TRAPPC9: variants seen among roughly 807,000 people sequenced by gnomAD.
TRAPPC9 encodes IKK2 binding protein.
TRAPPC9 carries 83 observed loss-of-function variants against 124.0 expected under a neutral mutation model. The ratio of observed to expected loss-of-function variants is 0.67; its 90% CI spans 0.56 to 0.80. The LOEUF is 0.80. Among genes scored for constraint, TRAPPC9 ranks in the 30% least tolerant of loss-of-function variants. The pLI is 0.00. For missense variants in TRAPPC9, 1,302 were observed against 1,508.3 expected (o/e 0.86, Z 2.27); for synonymous variants, 638 against 617.5 (o/e 1.03, Z -0.49).
chr8:140,073,983 T>C (rs753155638), intron 17 of TRAPPC9, among the ~76,000 whole-genome samples: 7 of 152,134 alleles, frequency 4.6e-5, no homozygotes, highest in Non-Finnish European at 5.9e-5. Flanking sequence ...GGCAAGTCCA[T>C]TGTCCAGGAG....
At chr8:140,427,445 A>G (rs1168657562) in intron 4 of TRAPPC9, among the ~76,000 whole-genome samples, 1 of 152,016 alleles carries the variant, frequency 6.6e-6, no homozygotes, top group African/African-American at 2.4e-5. Flanking sequence ...CAAGTTAAAG[A>G]TTTCCAGCTT....
chr8:139,764,902 G>A (rs555942944), intron 21 of TRAPPC9, among the ~76,000 whole-genome samples: 4 of 152,244 alleles, frequency 2.6e-5, no homozygotes, highest in Admixed American at 6.5e-5. Flanking sequence ...CTCGGTTCTC[G>A]TCCCAGAACC....
At chr8:139,766,846 T>C (rs1276284818) in intron 21 of TRAPPC9, among the ~76,000 whole-genome samples, 1 of 152,274 alleles carries the variant, frequency 6.6e-6, no homozygotes, top group Non-Finnish European at 1.5e-5. Flanking sequence ...TGTCACATCC[T>C]TTGGGAATCA....
intron 16 of TRAPPC9, among the ~76,000 whole-genome samples, chr8:140,235,479 G>A (rs372330293): frequency 6.6e-6 from 1 of 152,062 alleles, no homozygotes; most frequent in African/African-American, 2.4e-5. Flanking sequence ...AAAAAATGAA[G>A]AAAATATTTT....
intron 17 of TRAPPC9, among the ~76,000 whole-genome samples, chr8:140,062,401 T>A (rs1405935569): frequency 6.6e-6 from 1 of 152,206 alleles, no homozygotes; most frequent in African/African-American, 2.4e-5. Flanking sequence ...CTGCCTGCTT[T>A]TCCAGCTTCA....
At chr8:139,934,792 TG>T (rs1833408725) in intron 19 of TRAPPC9, among the ~76,000 whole-genome samples, 1 of 152,194 alleles carries the variant, frequency 6.6e-6, no homozygotes, top group East Asian at 1.9e-4. Context: ...ATAGGGGACA[TG>T]GCTCTGGGCA....
chr8:140,451,233 C>G lies in TRAPPC9; in HGVS notation c.141G>C (p.Arg47=). The G allele has an allele frequency of 6.2e-7, 1 of 1,613,918 alleles. No individual in the cohort carries two copies. Among genetic ancestry groups the G allele is most frequent in the South Asian group, 1.1e-5 (1 of 91,078 alleles). Residue 47 remains arginine, a synonymous_variant, in exon 2 of 23, where the codon CGG becomes CGC. Coordinates refer to ENST00000438773, the MANE Select transcript of TRAPPC9 (RefSeq NM_001160372.4). The stretch of plus-strand genomic sequence containing the variant: ...GGATGTAGAGGACTCGCTGGGAGTC[C>G]CGCACGCTGATCTGACTCACAGAGC... ...RICSVSQISV[R]DSQRVLYIRY... is the part of the protein sequence containing the mutation.
chr8:139,847,571 C>T (rs1289695576), intron 21 of TRAPPC9, among the ~76,000 whole-genome samples: 3 of 141,066 alleles, frequency 2.1e-5, no homozygotes, highest in Admixed American at 6.9e-5. Context: ...CCCCTGGCGG[C>T]GTGGCCTGCA....
rs759966668 is a variant in TRAPPC9 at position 140,024,040 on chromosome 8, G to A, written c.2596C>T (p.Pro866Ser). 2 of 1,613,912 alleles carry A rather than the reference G, an allele frequency of 1.2e-6. No individual in the cohort carries two copies. The highest frequency in any genetic ancestry group is 1.7e-5 in the Admixed American group (1 of 59,988). The part of the protein sequence containing the change: ...AVLNFKYSGG[P>S]GHTEGYYRNL... ...CTGTAATATCCTTCAGTGTGGCCCG[G>A]GCCTCCAGAGTATTTGAAATTCAGG... Residue 866 changes from proline to serine, a missense_variant, in exon 18 of 23, where the codon CCG (proline) becomes TCG (serine). Around this residue, in one of 3 missense-constraint regions of TRAPPC9, gnomAD observed 640 missense variants for 679.3 expected, o/e 0.94. Transcript: ENST00000438773.
intron 17 of TRAPPC9, among the ~76,000 whole-genome samples, chr8:140,047,529 G>T (rs1428750368): frequency 6.6e-6 from 1 of 152,214 alleles, no homozygotes; most frequent in Non-Finnish European, 1.5e-5. Context: ...CGGGATATAG[G>T]GAAGAAAACA....
chr8:139,848,528 T>TAC (rs894698577), intron 21 of TRAPPC9, among the ~76,000 whole-genome samples: 55 of 151,652 alleles, frequency 3.6e-4, no homozygotes, highest in African/African-American at 5.3e-4. Flanking sequence ...TATATATATA[T>TAC]ACACACACAC....
rs1035106803 is a variant in TRAPPC9, at chr8:140,089,595, A to G, written c.2557-65516T>C. 3.9e-5 allele frequency among the ~76,000 whole-genome samples: 6 copies of G among 152,306 alleles called. No homozygotes were observed. In the South Asian group the frequency reaches 1.2e-3, roughly 32 times the overall value. On this transcript the variant is annotated intron_variant, in intron 17 of 22. Transcript: ENST00000438773. ...CTTTTCGGATTTTGGAATAGCAGGC[A>G]GAGGGCCATGGAGCTGCCTAAGCTG...
chr8:140,093,673 A>T (rs1325101395), intron 17 of TRAPPC9, among the ~76,000 whole-genome samples: 2 of 152,098 alleles, frequency 1.3e-5, no homozygotes, highest in Admixed American at 6.5e-5. Context: ...GTCTTAAAAA[A>T]AAAAAAAAAA....
intron 17 of TRAPPC9, among the ~76,000 whole-genome samples, chr8:140,137,780 A>G (rs1248390603): frequency 6.6e-6 from 1 of 152,246 alleles, no homozygotes; most frequent in East Asian, 1.9e-4. Flanking sequence ...GTTTGGGGAT[A>G]TCATGAATTT....
chr8:139,750,646 C>T (rs1349573797), intron 21 of TRAPPC9, among the ~76,000 whole-genome samples: 1 of 152,196 alleles, frequency 6.6e-6, no homozygotes, highest in Non-Finnish European at 1.5e-5. Context: ...GGATAGACCT[C>T]TGGCCTCTCT....
intron 17 of TRAPPC9, among the ~76,000 whole-genome samples, chr8:140,150,828 G>A (rs2061533135): frequency 6.7e-6 from 1 of 148,378 alleles, no homozygotes. Flanking sequence ...CCACCCCTCT[G>A]TCACCGTGTC....
At chr8:139,819,321 A>AT (rs1347114676) in intron 21 of TRAPPC9, among the ~76,000 whole-genome samples, 1 of 152,226 alleles carries the variant, frequency 6.6e-6, no homozygotes, top group Admixed American at 6.5e-5. Context: ...GGTGAGTTAT[A>AT]TAATTATTTC....
intron 18 of TRAPPC9, among the ~76,000 whole-genome samples, chr8:140,019,835 A>G (rs1839719433): frequency 6.6e-6 from 1 of 151,740 alleles, no homozygotes; most frequent in African/African-American, 2.4e-5. Context: ...TATAGGTGTG[A>G]GCCACCACGC....
chr8:140,320,904 G>C (rs1185146909), intron 9 of TRAPPC9, among the ~76,000 whole-genome samples: 1 of 152,150 alleles, frequency 6.6e-6, no homozygotes, highest in African/African-American at 2.4e-5. Flanking sequence ...GTCATGAAAA[G>C]GTTACTATCC....
Sources: gnomAD v4.1 joint callset for allele counts (sites outside exome capture counted in the v4.1 genomes callset) on GRCh38, gnomAD v4.1.1 for gene constraint, gnomAD v4.1.1 regional missense constraint, MANE v1.5 for transcripts, NCBI Gene and HGNC (gene_info 2026-07-23, HGNC 2026-07-21) for gene names.